The following PARP8 variants were observed in gnomAD, a reference collection of about 807,000 sequenced individuals.
The protein encoded by PARP8 is protein mono-ADP-ribosyltransferase PARP8.
Under a neutral mutation model 124.1 loss-of-function variants are expected in PARP8, and 51 were observed. That is an observed-to-expected ratio of 0.41 (90% CI 0.33 to 0.52). PARP8 has a LOEUF of 0.52. Ranked by LOEUF, PARP8 falls within the 20% of genes least tolerant of loss-of-function variation. PARP8 has a pLI of 0.21. For missense variants in PARP8, 860 were observed against 1,018.9 expected (o/e 0.84, Z 2.12); for synonymous variants, 391 against 361.5 (o/e 1.08, Z -0.93).
At chr5:50,799,552 C>T (rs116060611) in intron 14 of PARP8, among the ~76,000 whole-genome samples, 1 of 152,158 alleles carries the variant, frequency 6.6e-6, no homozygotes, top group Admixed American at 6.5e-5. Flanking sequence ...GGGTCTCTTG[C>T]GTTTCTCTAT....
chr5:50,827,607 A>G (rs1580481188), intron 19 of PARP8, among the ~76,000 whole-genome samples: 1 of 152,156 alleles, frequency 6.6e-6, no homozygotes, highest in East Asian at 1.9e-4. Flanking sequence ...ACTCAATAAT[A>G]AAAATGTTAA....
At position 50,774,882 on chromosome 5, in the gene PARP8, C is replaced by T. The variant is rs369317658; in HGVS notation, c.519-3187C>T. On this transcript the variant is annotated intron_variant, in intron 7 of 25. Coordinates refer to ENST00000281631, the MANE Select transcript of PARP8 (RefSeq NM_024615.4). Reference sequence around the variant, plus strand: ...GCAGAGACGCTCCTCACATCCCAGACGATGGGCGGCCGGGCAGAGGTGCTC... The same window carrying T: ...GCAGAGACGCTCCTCACATCCCAGATGATGGGCGGCCGGGCAGAGGTGCTC... Among the ~76,000 whole-genome samples, 155 of 113,538 alleles carry T rather than the reference C, an allele frequency of 1.4e-3. 2 individuals are homozygous for T. The East Asian group carries it at 0.037, about 27-fold the overall frequency. The allele number at this position is 113,538 out of a possible 152,430, so 74.5% of individuals were successfully genotyped here. A position where few individuals can be genotyped will look rare whatever the true frequency, so the allele number is the denominator to read the frequency against.
At chr5:50,718,422 T>C (rs1186226875) in intron 2 of PARP8, among the ~76,000 whole-genome samples, 1 of 152,090 alleles carries the variant, frequency 6.6e-6, no homozygotes, top group East Asian at 1.9e-4. Context: ...AAAGCATATG[T>C]ACACATATGT....
intron 20 of PARP8, 113 bp from the exon 21 acceptor site, chr5:50,828,199 C>T (rs1746555669): frequency 1.7e-6 from 2 of 1,191,454 alleles, no homozygotes; most frequent in Non-Finnish European, 2.5e-6. Context: ...CTACATAATA[C>T]TTGATTTGGC....
chr5:50,701,611 C>G (rs1467476925), intron 2 of PARP8, among the ~76,000 whole-genome samples: 1 of 152,032 alleles, frequency 6.6e-6, no homozygotes, highest in African/African-American at 2.4e-5. Context: ...AAGATTGGTT[C>G]TTTTAAAATC....
intron 7 of PARP8, among the ~76,000 whole-genome samples, chr5:50,763,920 G>C (rs1361137918): frequency 1.3e-5 from 2 of 151,882 alleles, no homozygotes; most frequent in Admixed American, 1.3e-4. Flanking sequence ...GACCCCTTTC[G>C]TAGCCTGACC....
At chr5:50,774,484 G>GAT (rs1761957093) in intron 7 of PARP8, among the ~76,000 whole-genome samples, 1 of 140,662 alleles carries the variant, frequency 7.1e-6, no homozygotes, top group Non-Finnish European at 1.6e-5. Flanking sequence ...CTTCCCAGAC[G>GAT]GGGCGGCCGG....
rs1428583318 is a variant in PARP8, at chr5:50,773,594, G to A, written c.519-4475G>A. ...CTATAGCTTTGTAAGGTAGTTTGATGTCTCCAGCTTTGTTCTTTTTGCTCA... is the reference window on the plus strand; with the variant it reads ...CTATAGCTTTGTAAGGTAGTTTGATATCTCCAGCTTTGTTCTTTTTGCTCA... On this transcript the variant is annotated intron_variant, in intron 7 of 25. Transcript: ENST00000281631. 3.9e-5 allele frequency among the ~76,000 whole-genome samples: 6 copies of A among 152,222 alleles called. No individual in the cohort carries two copies. In the East Asian group the frequency reaches 1.2e-3, roughly 29 times the overall value.
At chr5:50,702,987 C>G (rs1268303448) in intron 2 of PARP8, among the ~76,000 whole-genome samples, 1 of 152,028 alleles carries the variant, frequency 6.6e-6, no homozygotes. Flanking sequence ...TACAAACAAA[C>G]CAGATAATTA....
At chr5:50,776,584 T>C (rs1447508091) in intron 7 of PARP8, among the ~76,000 whole-genome samples, 1 of 152,200 alleles carries the variant, frequency 6.6e-6, no homozygotes, top group Non-Finnish European at 1.5e-5. Flanking sequence ...TGTAATTTCA[T>C]AAAAGTTGAA....
Position 50,760,680 on chromosome 5 carries a change from C to T in PARP8, c.345+318C>T, listed in dbSNP as rs118106168. Among the ~76,000 whole-genome samples the T allele has an allele frequency of 1.2e-4, 18 of 152,154 alleles. No individual in the cohort carries two copies. The East Asian group carries it at 3.3e-3, about 28-fold the overall frequency. ...ACATTATGTAACTGATTTATAACTG[C>T]ACGTGGCTATACATAATTTTGATGG... On this transcript the variant is annotated intron_variant, in intron 5 of 25. Coordinates refer to ENST00000281631, the MANE Select transcript of PARP8 (RefSeq NM_024615.4).
At chr5:50,738,416 T>G (rs1757691976) in intron 2 of PARP8, among the ~76,000 whole-genome samples, 1 of 152,178 alleles carries the variant, frequency 6.6e-6, no homozygotes, top group South Asian at 2.1e-4. Context: ...TGCTTGAAAC[T>G]CTAAACAAAT....
chr5:50,749,333 C>G (rs1486986852), intron 2 of PARP8, among the ~76,000 whole-genome samples: 1 of 152,006 alleles, frequency 6.6e-6, no homozygotes, highest in Non-Finnish European at 1.5e-5. Context: ...CTGATGCAGT[C>G]AGATAGCTAA....
chr5:50,781,481 G>T (rs1195017025), intron 9 of PARP8, among the ~76,000 whole-genome samples: 1 of 152,158 alleles, frequency 6.6e-6, no homozygotes, highest in Non-Finnish European at 1.5e-5. Flanking sequence ...GAAAGAAAGA[G>T]AATTCCACAC....
intron 14 of PARP8, among the ~76,000 whole-genome samples, chr5:50,808,907 A>T (rs571966898): frequency 5.3e-5 from 8 of 152,150 alleles, no homozygotes; most frequent in African/African-American, 1.9e-4. Flanking sequence ...TGGATGAAAA[A>T]GCACAACCTA....
chr5:50,772,801 A>T (rs537508672), intron 7 of PARP8, among the ~76,000 whole-genome samples: 1 of 152,234 alleles, frequency 6.6e-6, no homozygotes, highest in South Asian at 2.1e-4. Context: ...GGTTCAAGCG[A>T]TTATCATGCC....
chr5:50,703,915 C>G (rs1416946971), intron 2 of PARP8, among the ~76,000 whole-genome samples: 3 of 150,520 alleles, frequency 2.0e-5, no homozygotes, highest in Non-Finnish European at 4.4e-5. Flanking sequence ...AAATTTCATT[C>G]TTCCAACATG....
At position 50,760,499 on chromosome 5, in the gene PARP8, G is replaced by T; in HGVS notation, c.345+137G>T. ...TGAAACTCAAGCTAATGGCTCAGGGGTGTTTGGTATGGTAGGAAGTGGCCT... is the reference window on the plus strand; with the variant it reads ...TGAAACTCAAGCTAATGGCTCAGGGTTGTTTGGTATGGTAGGAAGTGGCCT... On this transcript the variant is annotated intron_variant, in intron 5 of 25. Coordinates refer to ENST00000281631, the MANE Select transcript of PARP8 (RefSeq NM_024615.4). 2.9e-6 allele frequency: 2 copies of T among 678,166 alleles called. 1 individual carries two copies. 42.0% of individuals were successfully genotyped at this position (678,166 alleles called of 1,614,324 possible).
chr5:50,788,429 T>C (rs1273130437), intron 9 of PARP8, 94 bp from the exon 10 acceptor site: 6 of 1,057,498 alleles, frequency 5.7e-6, no homozygotes, highest in Non-Finnish European at 8.7e-6. Context: ...TATATGTATA[T>C]GCACATATAT....
Sources: allele counts gnomAD v4.1 joint callset (sites outside exome capture counted in the v4.1 genomes callset), GRCh38; gene constraint gnomAD v4.1.1; transcripts MANE v1.5; gene names NCBI Gene and HGNC (gene_info 2026-07-23, HGNC 2026-07-21).